FREM2: variants seen among roughly 807,000 people sequenced by gnomAD.
The protein encoded by FREM2 is FRAS1-related extracellular matrix protein 2.
Under a neutral mutation model 219.9 loss-of-function variants are expected in FREM2, and 119 were observed. The ratio of observed to expected loss-of-function variants is 0.54; its 90% CI spans 0.47 to 0.63. The LOEUF (loss-of-function observed/expected upper bound fraction) is 0.63, where lower values mean the gene tolerates loss of function less well. FREM2 is among the 30% of genes least tolerant of loss of function. The pLI is 0.00. For synonymous variants in FREM2, 1,562 were observed against 1,522.8 expected (o/e 1.03, Z -0.60); for missense variants, 4,030 against 3,993.6 (o/e 1.01, Z -0.25).
At chr13:38,698,873 T>G (rs1304953622) in intron 2 of FREM2, among the ~76,000 whole-genome samples, 2 of 152,304 alleles carry the variant, frequency 1.3e-5, no homozygotes, top group East Asian at 3.9e-4. Flanking sequence ...ACAAAATGTG[T>G]TATGTTGGGT....
In FREM2 at chr13:38,877,140, G is replaced by C; in HGVS notation, c.8568G>C (p.Glu2856Asp). ...FQQVSDPVAA[E>D]FSLNTQMYLL... The stretch of plus-strand genomic sequence containing the variant: ...AGGTCAGTGATCCAGTGGCTGCTGA[G>C]TTTAGCTTGAACACCCAAATGTACC... Residue 2856 changes from glutamate (E) to aspartate (D), a missense_variant, in exon 21 of 24, where the codon GAG (glutamate) becomes GAC (aspartate). Physicochemically the swap from Glu to Asp is conservative, Grantham distance 45. Around this residue, in one of 2 missense-constraint regions of FREM2, gnomAD observed 928 missense variants for 1,042.9 expected, o/e 0.89. Coordinates refer to ENST00000280481, the MANE Select transcript of FREM2 (RefSeq NM_207361.6). The C allele has an allele frequency of 6.2e-7, 1 of 1,614,132 alleles. No homozygotes were observed. Among genetic ancestry groups the C allele is most frequent in the Non-Finnish European group, 8.5e-7 (1 of 1,179,984 alleles).
intron 6 of FREM2, among the ~76,000 whole-genome samples, chr13:38,837,766 T>G (rs930985496): frequency 3.0e-5 from 4 of 131,500 alleles, no homozygotes; most frequent in African/African-American, 5.7e-5. Context: ...CAACCCCTGG[T>G]TTTTTTTTGT....
At chr13:38,836,597 TATTA>T (rs1876717586) in intron 6 of FREM2, among the ~76,000 whole-genome samples, 1 of 152,212 alleles carries the variant, frequency 6.6e-6, no homozygotes, top group African/African-American at 2.4e-5. Flanking sequence ...GTTTGTAGGC[TATTA>T]ATTACTGTGC....
At chr13:38,872,659 G>A (rs79240489) in intron 16 of FREM2, 83 bp from the exon 17 acceptor site, 25,070 of 1,174,472 alleles carry the variant, frequency 0.021, 371 homozygotes, top group South Asian at 0.043. Flanking sequence ...TCAGTTAAGC[G>A]AAAAGAGAAA....
chr13:38,859,254 T>A (rs768310056), intron 13 of FREM2, 33 bp from the exon 14 acceptor site: 1 of 1,608,334 alleles, frequency 6.2e-7, no homozygotes, highest in Non-Finnish European at 8.5e-7. Flanking sequence ...TGTTCTACAC[T>A]CTGTTCCTAA....
chr13:38,834,931 G>A lies in FREM2; in HGVS notation c.6020-11642G>A, dbSNP rs377545840. On this transcript the variant is annotated intron_variant, in intron 6 of 23. Transcript: ENST00000280481. Reference sequence around the variant, plus strand: ...CACTCTGATAATAGTTTCTTTTGCTGTGCAGAAGCTCTTTAGTTTAATTAG... The same window carrying A: ...CACTCTGATAATAGTTTCTTTTGCTATGCAGAAGCTCTTTAGTTTAATTAG... 9.9e-5 allele frequency among the ~76,000 whole-genome samples: 15 copies of A among 152,224 alleles called. No homozygotes were observed. In the South Asian group the frequency reaches 2.9e-3, roughly 29 times the overall value.
At chr13:38,834,873 A>T (rs1876648822) in intron 6 of FREM2, among the ~76,000 whole-genome samples, 1 of 152,200 alleles carries the variant, frequency 6.6e-6, no homozygotes, top group African/African-American at 2.4e-5. Context: ...AATAGATTGC[A>T]AAGATTTTCT....
intron 6 of FREM2, among the ~76,000 whole-genome samples, chr13:38,787,211 A>C (rs940462610): frequency 5.9e-5 from 9 of 152,092 alleles, no homozygotes; most frequent in African/African-American, 2.2e-4. Context: ...CAGACATTAG[A>C]CCAGCAGTTT....
intron 14 of FREM2, 60 bp downstream of exon 14, chr13:38,859,650 CT>C: frequency 2.7e-6 from 4 of 1,458,512 alleles, no homozygotes; most frequent in Non-Finnish European, 3.8e-6. Context: ...TTACAAATGT[CT>C]ACTTTCTGGT....
intron 4 of FREM2, among the ~76,000 whole-genome samples, chr13:38,779,208 C>T (rs954820083): frequency 6.6e-6 from 1 of 151,688 alleles, no homozygotes; most frequent in East Asian, 2.0e-4. Flanking sequence ...AGGGGAACAA[C>T]ACACACTGGG....
intron 6 of FREM2, among the ~76,000 whole-genome samples, chr13:38,824,264 G>A (rs993913597): frequency 6.6e-6 from 1 of 152,024 alleles, no homozygotes; most frequent in Non-Finnish European, 1.5e-5. Flanking sequence ...ATCATACAAG[G>A]AGAGGCATGA....
Position 38,864,376 on chromosome 13 carries a change from G to A in FREM2, c.7753G>A (p.Asp2585Asn). ...AAACCACAAGTGCTCCAACCTCCTG[G>A]ATTATACTGAAGTGAAGACTCATTA... ...VGNHKCSNLLDYTEVKTHYGF... is the reference protein window; with the variant it reads ...VGNHKCSNLLNYTEVKTHYGF... Residue 2585 changes from aspartate to asparagine, a missense_variant, in exon 16 of 24, where the codon GAT becomes AAT. This residue lies in a region of FREM2 where 928 missense variants were observed against 1,042.9 expected (regional missense o/e 0.89). Coordinates refer to ENST00000280481, the MANE Select transcript of FREM2 (RefSeq NM_207361.6). 6.2e-7 allele frequency: 1 copy of A among 1,614,138 alleles called. No homozygotes were observed. Among genetic ancestry groups the A allele is most frequent in the Non-Finnish European group, 8.5e-7 (1 of 1,180,010 alleles).
chr13:38,760,205 A>G (rs752206697), intron 2 of FREM2, among the ~76,000 whole-genome samples: 12 of 152,204 alleles, frequency 7.9e-5, no homozygotes, highest in Non-Finnish European at 1.2e-4. Flanking sequence ...ATTTTCTATG[A>G]TAGTTACTTT....
At chr13:38,856,035 T>C (rs1370857921) in intron 11 of FREM2, 91 bp from the exon 12 acceptor site, 1 of 867,466 alleles carries the variant, frequency 1.2e-6, no homozygotes, top group East Asian at 2.7e-5. Flanking sequence ...TTTCTCATTG[T>C]AGGCCACAGT....
rs558388817 is a variant in FREM2, at chr13:38,812,616, C to T, written c.6019+27808C>T. Among the ~76,000 whole-genome samples, 6 of 152,250 alleles carry T rather than the reference C, an allele frequency of 3.9e-5. No homozygotes were observed. In the South Asian group the frequency reaches 8.3e-4, roughly 21 times the overall value. The stretch of plus-strand genomic sequence containing the variant: ...ACACTTTTGGCTGGGCATGGAGGCT[C>T]ATACCTGTAATCCCAACATGTTGGG... On this transcript the variant is annotated intron_variant, in intron 6 of 23. Coordinates refer to ENST00000280481, the MANE Select transcript of FREM2 (RefSeq NM_207361.6).
rs1871234580 is a variant in FREM2, at chr13:38,721,269, G to A, written c.5263+23482G>A. On this transcript the variant is annotated intron_variant, in intron 2 of 23. Transcript: ENST00000280481. ...GACAGTGACATTGAAACTAAGTCCA[G>A]ATGTCCCTGGAACTTGAGGAGAGTG... Among the ~76,000 whole-genome samples the A allele has an allele frequency of 5.9e-5, 9 of 152,304 alleles. No individual in the cohort carries two copies. In the South Asian group the frequency reaches 1.9e-3, roughly 32 times the overall value.
intron 2 of FREM2, among the ~76,000 whole-genome samples, chr13:38,722,954 G>C (rs2138110175): frequency 6.6e-6 from 1 of 152,314 alleles, no homozygotes; most frequent in Admixed American, 6.5e-5. Context: ...CTGGCAGCCA[G>C]GTGCAGTGGC....
At chr13:38,844,335 T>C (rs573853010) in intron 6 of FREM2, among the ~76,000 whole-genome samples, 1 of 152,098 alleles carries the variant, frequency 6.6e-6, no homozygotes, top group Non-Finnish European at 1.5e-5. Context: ...CACACACACA[T>C]GCATATAAAA....
intron 11 of FREM2, among the ~76,000 whole-genome samples, chr13:38,852,497 A>G (rs1281730405): frequency 1.3e-5 from 2 of 152,172 alleles, no homozygotes; most frequent in Admixed American, 1.3e-4. Context: ...TGTAATTGCA[A>G]TATGCATGAT....
Sources: gnomAD v4.1 joint callset for allele counts (sites outside exome capture counted in the v4.1 genomes callset) on GRCh38, gnomAD v4.1.1 for gene constraint, gnomAD v4.1.1 regional missense constraint, MANE v1.5 for transcripts, NCBI Gene and HGNC (gene_info 2026-07-23, HGNC 2026-07-21) for gene names.